Variants in VWA8 observed in about 807,000 individuals in gnomAD.
VWA8 encodes the protein von Willebrand factor A domain containing 8, also known as von Willebrand factor A domain-containing protein 8.
VWA8 carries 221 observed loss-of-function variants against 241.5 expected under a neutral mutation model. The observed-to-expected ratio is 0.91, with a 90% CI of 0.82 to 1.02. VWA8 has a LOEUF of 1.02. Among genes scored for constraint, VWA8 ranks in the 50% least tolerant of loss-of-function variants. The probability of loss-of-function intolerance (pLI) is 0.00; values close to 1 mark genes in which losing one functional copy is unlikely to be tolerated. For missense variants in VWA8, 2,322 were observed against 2,328.7 expected, an observed-to-expected ratio of 1.00 and a Z score of 0.06; for synonymous variants, 852 against 827.1, an observed-to-expected ratio of 1.03 and a Z score of -0.52.
At chr13:41,831,929 AT>A (rs34555191) in intron 13 of VWA8, among the ~76,000 whole-genome samples, 28 of 129,016 alleles carry the variant, frequency 2.2e-4, no homozygotes, top group South Asian at 2.0e-3. Flanking sequence ...CCGCATCAGC[AT>A]TTTTTTTTTC....
chr13:41,848,692 A>G (rs961876281), intron 12 of VWA8, among the ~76,000 whole-genome samples: 7 of 152,114 alleles, frequency 4.6e-5, no homozygotes, highest in Non-Finnish European at 1.0e-4. Context: ...TGAGTCAATT[A>G]AACCTCTTTC....
At position 41,748,925 on chromosome 13, in the gene VWA8, G is replaced by T. The variant is rs532904625; in HGVS notation, c.2426+12203C>A. 4.5e-3 allele frequency among the ~76,000 whole-genome samples: 690 copies of T among 152,178 alleles called. 10 individuals carry two copies. The highest frequency in any genetic ancestry group is 8.5e-3 in the South Asian group (41 of 4,822). On this transcript the variant is annotated intron_variant, in intron 21 of 44. Transcript: ENST00000379310. ...AAAACCCTAGAAGAAAATCTAGGCA[G>T]TATCATTCAGGACATAGGCATGGGG...
intron 26 of VWA8, among the ~76,000 whole-genome samples, chr13:41,706,330 G>C (rs2045282394): frequency 6.6e-6 from 1 of 152,222 alleles, no homozygotes; most frequent in East Asian, 1.9e-4. Context: ...ACCCTATACA[G>C]AATCTATTTC....
At chr13:41,616,635 A>C (rs1188540636) in intron 37 of VWA8, among the ~76,000 whole-genome samples, 1 of 152,182 alleles carries the variant, frequency 6.6e-6, no homozygotes, top group African/African-American at 2.4e-5. Flanking sequence ...TAATCAATAA[A>C]ATTTTCTGTG....
At chr13:41,846,268 C>T (rs761117276) in intron 12 of VWA8, among the ~76,000 whole-genome samples, 1 of 152,042 alleles carries the variant, frequency 6.6e-6, no homozygotes, top group Non-Finnish European at 1.5e-5. Context: ...TTATGAATTA[C>T]CCGTTTGGTA....
rs368430981 is a variant in VWA8 at position 41,701,419 on chromosome 13, T to C, written c.3337A>G (p.Ile1113Val). Reference protein sequence around the residue: ...SWRIPLDEINIICDIATSHEN... With the variant: ...SWRIPLDEINVICDIATSHEN... ...TGTGATGTAGCAATGTCACAGATTA[T>C]ATTAATTTCATCCAATGGTATTCTC... is the stretch of plus-strand genomic sequence containing the variant. Residue 1113 changes from isoleucine (I) to valine (V), a missense_variant, in exon 28 of 45, where the codon ATA (isoleucine) becomes GTA (valine). By Grantham distance (29) the Ile-to-Val change is conservative. Transcript: ENST00000379310. 3 of 1,608,982 alleles carry C rather than the reference T, an allele frequency of 1.9e-6. No homozygotes were observed. Among genetic ancestry groups the C allele is most frequent in the African/African-American group, 2.7e-5 (2 of 74,660 alleles).
intron 12 of VWA8, among the ~76,000 whole-genome samples, chr13:41,839,441 G>T (rs141039690): frequency 0.013 from 1,992 of 152,082 alleles, 23 homozygotes; most frequent in Middle Eastern, 0.048. Context: ...TTGTAGGTTG[G>T]CTGCTCACTC....
At chr13:41,865,326 A>T in intron 12 of VWA8, 1 of 394,124 alleles carries the variant, frequency 2.5e-6, no homozygotes, top group Non-Finnish European at 5.0e-6. Flanking sequence ...GGAACATTTG[A>T]ATTATTAACT....
intron 20 of VWA8, among the ~76,000 whole-genome samples, chr13:41,776,213 T>G (rs1301426644): frequency 6.6e-6 from 1 of 152,228 alleles, no homozygotes; most frequent in Non-Finnish European, 1.5e-5. Context: ...AAAGCCTCTG[T>G]GTCTCTGGCC....
Position 41,721,503 on chromosome 13 carries a change from C to T in VWA8, c.2831G>A (p.Gly944Glu), listed in dbSNP as rs1555325737. The T allele has an allele frequency of 1.9e-6, 3 of 1,613,744 alleles. No homozygotes were observed. Among genetic ancestry groups the T allele is most frequent in the South Asian group, 2.2e-5 (2 of 91,074 alleles). ...HSELEMLRQY[G>E]PNVPEPILQK... ...AAGGATGGGCTCAGGCACATTTGGT[C>T]CATACTGTCTGAGCATCTCGAGCTC... The change falls in exon 25 of 45, where the codon GGA becomes GAA. Residue 944 changes from glycine to glutamate, a missense_variant. Physicochemically the swap from Gly to Glu is moderately conservative, Grantham distance 98. Coordinates refer to ENST00000379310, the MANE Select transcript of VWA8 (RefSeq NM_015058.2).
intron 9 of VWA8, among the ~76,000 whole-genome samples, chr13:41,871,155 C>A (rs548834972): frequency 2.0e-5 from 3 of 152,252 alleles, no homozygotes; most frequent in Admixed American, 1.3e-4. Flanking sequence ...AACATCACAG[C>A]TGGTCAGAAG....
chr13:41,615,150 A>G, intron 37 of VWA8, 66 bp from the exon 38 acceptor site: 1 of 1,535,312 alleles, frequency 6.5e-7, no homozygotes, highest in South Asian at 1.2e-5. Flanking sequence ...CATGACAGAA[A>G]AAAAAATTAT....
In VWA8 at chr13:41,866,013, T is replaced by G; in HGVS notation, c.1236A>C (p.Leu412Phe). 4 of 1,614,130 alleles carry G rather than the reference T, an allele frequency of 2.5e-6. No individual in the cohort carries two copies. The highest frequency in any genetic ancestry group is 3.4e-6 in the Non-Finnish European group (4 of 1,179,994). ...TIKVPAGTRLLSQPCASDRFI... is the reference protein window; with the variant it reads ...TIKVPAGTRLFSQPCASDRFI... ...AACGGTCTGACGCACAAGGTTGACT[T>G]AATAGCCTGGTCCCGGCTGGCACCT... The change falls in exon 11 of 45, where the codon TTA becomes TTC. Residue 412 changes from leucine to phenylalanine, a missense_variant. Transcript: ENST00000379310.
intron 17 of VWA8, among the ~76,000 whole-genome samples, chr13:41,807,282 C>A (rs1356495603): frequency 6.6e-6 from 1 of 152,136 alleles, no homozygotes; most frequent in African/African-American, 2.4e-5. Flanking sequence ...TAATACCAAT[C>A]CTACTGAAAC....
Position 41,961,070 on chromosome 13 carries a change from C to A in VWA8, c.-55G>T, listed in dbSNP as rs1005313871. ...GGGGGCTCGGGGATCGAGCGGCGTC[C>A]CGTGCAGGCACCGTGAGGCAGCGCG... On this transcript the variant is annotated 5_prime_UTR_variant, in exon 1 of 45. Coordinates refer to ENST00000379310, the MANE Select transcript of VWA8 (RefSeq NM_015058.2). 2.2e-6 allele frequency: 3 copies of A among 1,343,458 alleles called. No homozygotes were observed. Among genetic ancestry groups the A allele is most frequent in the African/African-American group, 3.1e-5 (2 of 64,638 alleles). 83.2% of individuals were successfully genotyped at this position (1,343,458 alleles called of 1,614,324 possible).
intron 21 of VWA8, among the ~76,000 whole-genome samples, chr13:41,753,786 G>C (rs2045672835): frequency 6.6e-6 from 1 of 152,134 alleles, no homozygotes; most frequent in African/African-American, 2.4e-5. Context: ...CATAAACTAA[G>C]TGTGACTGAT....
chr13:41,753,127 G>A (rs921802158), intron 21 of VWA8, among the ~76,000 whole-genome samples: 1 of 152,174 alleles, frequency 6.6e-6, no homozygotes, highest in Non-Finnish European at 1.5e-5. Context: ...ATAGTCTGGA[G>A]TAAATTGAGA....
Position 41,904,776 on chromosome 13 carries a change from T to C in VWA8, c.483+2810A>G, listed in dbSNP as rs562513240. Among the ~76,000 whole-genome samples the C allele has an allele frequency of 3.3e-5, 5 of 152,230 alleles. No individual in the cohort carries two copies. The South Asian group carries it at 8.3e-4, about 25-fold the overall frequency. On this transcript the variant is annotated intron_variant, in intron 4 of 44. Transcript: ENST00000379310. Reference sequence around the variant, plus strand: ...TATATTTTAGAAAATTAACCCAATATGAAATTTAAAAAATTAAACACCCTT... The same window carrying C: ...TATATTTTAGAAAATTAACCCAATACGAAATTTAAAAAATTAAACACCCTT...
intron 40 of VWA8, among the ~76,000 whole-genome samples, chr13:41,595,591 C>A (rs2044482764): frequency 6.6e-6 from 1 of 152,124 alleles, no homozygotes; most frequent in African/African-American, 2.4e-5. Flanking sequence ...TGTTTCTGAA[C>A]TTTATAAATA....
Sources: allele counts gnomAD v4.1 joint callset (sites outside exome capture counted in the v4.1 genomes callset), GRCh38; gene constraint gnomAD v4.1.1; transcripts MANE v1.5; gene names NCBI Gene and HGNC (gene_info 2026-07-23, HGNC 2026-07-21).